TOP6BL: variants seen among roughly 807,000 people sequenced by gnomAD.
TOP6BL encodes TOP6B like initiator of meiotic double strand breaks, also known as type 2 DNA topoisomerase 6 subunit B-like.
chr11:66,760,362 T>TC, the TOP6BL span, among the ~76,000 whole-genome samples: 1 of 150,016 alleles, frequency 6.7e-6, no homozygotes, highest in Non-Finnish European at 1.5e-5. Flanking sequence ...GGCAGGAGAA[T>TC]CCCTTGAACC....
At chr11:66,814,061 T>C in the TOP6BL span, 5 of 1,542,046 alleles carry the variant, frequency 3.2e-6, no homozygotes, top group South Asian at 5.7e-5. Context: ...ATTTGAAGAA[T>C]ATTAGATAAA....
At chr11:66,804,407 A>G in the TOP6BL span, among the ~76,000 whole-genome samples, 23 of 152,254 alleles carry the variant, frequency 1.5e-4, no homozygotes, top group African/African-American at 5.1e-4. Context: ...ATACAATCCA[A>G]TATGACTGAA....
chr11:66,821,334 C>A, the TOP6BL span, among the ~76,000 whole-genome samples: 1 of 144,662 alleles, frequency 6.9e-6, no homozygotes, highest in Non-Finnish European at 1.5e-5. Context: ...GTCACCCAGG[C>A]TGGAGCGCAG....
the TOP6BL span, chr11:66,813,812 G>T: frequency 1.3e-6 from 2 of 1,520,926 alleles, no homozygotes. Flanking sequence ...TTATACAAGT[G>T]AATACATAGT....
the TOP6BL span, chr11:66,761,693 G>C: frequency 1.3e-5 from 12 of 894,456 alleles, no homozygotes; most frequent in Admixed American, 2.3e-4. Flanking sequence ...CCCTTGGTCC[G>C]CAAGGAAATC....
At chr11:66,795,284 T>C in the TOP6BL span, among the ~76,000 whole-genome samples, 3 of 151,586 alleles carry the variant, frequency 2.0e-5, no homozygotes, top group Non-Finnish European at 4.4e-5. Context: ...CCATGTATAA[T>C]ATACACTTTC....
chr11:66,751,969 ATCC>A, the TOP6BL span, among the ~76,000 whole-genome samples: 1 of 152,124 alleles, frequency 6.6e-6, no homozygotes, highest in Non-Finnish European at 1.5e-5. Context: ...TATCAGTTTC[ATCC>A]TCCTGAAAAA....
At chr11:66,778,539 G>A in the TOP6BL span, among the ~76,000 whole-genome samples, 1 of 152,092 alleles carries the variant, frequency 6.6e-6, no homozygotes, top group African/African-American at 2.4e-5. Context: ...TAAAGTCAGG[G>A]GACTGGCACT....
chr11:66,838,288 G>A, the TOP6BL span: 1 of 1,281,592 alleles, frequency 7.8e-7, no homozygotes, highest in Non-Finnish European at 1.1e-6. Flanking sequence ...GGTCAGTGAA[G>A]CCACCAGGCA....
chr11:66,777,678 G>T, the TOP6BL span, among the ~76,000 whole-genome samples: 1 of 152,020 alleles, frequency 6.6e-6, no homozygotes, highest in Non-Finnish European at 1.5e-5. Flanking sequence ...ATCACTTGAG[G>T]TCAGGAGTTC....
chr11:66,766,348 G>A, the TOP6BL span, among the ~76,000 whole-genome samples: 1 of 152,106 alleles, frequency 6.6e-6, no homozygotes, highest in Non-Finnish European at 1.5e-5. Context: ...ATATTTCTGT[G>A]TATTTTATTT....
At chr11:66,820,984 A>G in the TOP6BL span, among the ~76,000 whole-genome samples, 1 of 152,016 alleles carries the variant, frequency 6.6e-6, no homozygotes, top group Non-Finnish European at 1.5e-5. Context: ...CATCTTTCCC[A>G]CTCCCAGTCC....
the TOP6BL span, among the ~76,000 whole-genome samples, chr11:66,807,947 A>G: frequency 2.0e-5 from 3 of 152,260 alleles, no homozygotes; most frequent in South Asian, 2.1e-4. Flanking sequence ...TAGGCAGGCC[A>G]GAAAATCTTG....
the TOP6BL span, among the ~76,000 whole-genome samples, chr11:66,770,680 G>A: frequency 6.6e-6 from 1 of 152,090 alleles, no homozygotes; most frequent in South Asian, 2.1e-4. Context: ...CTCCAGCCTG[G>A]GTGACAGAGC....
At chr11:66,755,684 A>T in the TOP6BL span, among the ~76,000 whole-genome samples, 8 of 152,182 alleles carry the variant, frequency 5.3e-5, no homozygotes, top group Non-Finnish European at 1.0e-4. Context: ...TTATTTTCTC[A>T]CAGTTCTGGA....
the TOP6BL span, among the ~76,000 whole-genome samples, chr11:66,755,503 C>A: frequency 3.3e-5 from 5 of 152,008 alleles, no homozygotes; most frequent in Non-Finnish European, 7.4e-5. Context: ...AATCTCTTTT[C>A]TATTATTTTA....
the TOP6BL span, chr11:66,758,154 T>C: frequency 1.0e-6 from 1 of 984,002 alleles, no homozygotes; most frequent in Non-Finnish European, 1.2e-6. Flanking sequence ...AAAAAGCCTC[T>C]AGGTAGTTCT....
At chr11:66,744,837 CGGCGGCG>C in the TOP6BL span, 1 of 1,328,574 alleles carries the variant, frequency 7.5e-7, no homozygotes, top group South Asian at 2.3e-5. Context: ...GCGGCGGCGG[CGGCGGCG>C]GGCGGGTACC....
the TOP6BL span, among the ~76,000 whole-genome samples, chr11:66,811,403 G>T: frequency 6.6e-6 from 1 of 152,174 alleles, no homozygotes; most frequent in Non-Finnish European, 1.5e-5. Context: ...TGTTGGCCAG[G>T]CTGGTCTCGA....
Sources: allele counts gnomAD v4.1 joint callset (sites outside exome capture counted in the v4.1 genomes callset), GRCh38; gene constraint gnomAD v4.1.1; transcripts MANE v1.5; gene names NCBI Gene and HGNC (gene_info 2026-07-23, HGNC 2026-07-21).